The following PPIP5K2 variants were observed in gnomAD, a reference collection of about 807,000 sequenced individuals.
The protein encoded by PPIP5K2 is diphosphoinositol pentakisphosphate kinase 2.
In PPIP5K2, 105 loss-of-function variants were observed where a neutral mutation model predicts 154.6. The observed-to-expected ratio is 0.68, with a 90% confidence interval of 0.58 to 0.80. The LOEUF is 0.80. Ranked by LOEUF, PPIP5K2 falls within the 30% of genes least tolerant of loss-of-function variation. PPIP5K2 has a pLI of 0.00. For missense variants in PPIP5K2, 992 were observed against 1,504.6 expected, an observed-to-expected ratio of 0.66 and a Z score of 5.64; for synonymous variants, 480 against 490.3, an observed-to-expected ratio of 0.98 and a Z score of 0.28.
intron 3 of PPIP5K2, among the ~76,000 whole-genome samples, chr5:103,134,364 A>C (rs1158401097): frequency 6.6e-6 from 1 of 152,160 alleles, no homozygotes; most frequent in Non-Finnish European, 1.5e-5. Flanking sequence ...ATTTCCCACT[A>C]AGAACTATTA....
At chr5:103,183,955 A>G (rs927374599) in intron 25 of PPIP5K2, among the ~76,000 whole-genome samples, 1 of 152,166 alleles carries the variant, frequency 6.6e-6, no homozygotes, top group Non-Finnish European at 1.5e-5. Context: ...AATTTAAGGA[A>G]TACATAGTCT....
intron 21 of PPIP5K2, among the ~76,000 whole-genome samples, chr5:103,175,950 A>T (rs782718664): frequency 9.2e-5 from 14 of 152,056 alleles, no homozygotes; most frequent in Non-Finnish European, 1.9e-4. Flanking sequence ...CATTATCCCA[A>T]CTCTTATTAT....
chr5:103,194,407 C>A (rs1345430463), intron 29 of PPIP5K2, among the ~76,000 whole-genome samples: 2 of 152,068 alleles, frequency 1.3e-5, no homozygotes, highest in Non-Finnish European at 2.9e-5. Context: ...TCCTGCCTTG[C>A]CTAACTAAAT....
chr5:103,178,586 T>C (rs922469648), intron 23 of PPIP5K2, among the ~76,000 whole-genome samples: 2 of 151,710 alleles, frequency 1.3e-5, no homozygotes, highest in African/African-American at 4.8e-5. Flanking sequence ...TGCATTTTCA[T>C]ATAAATTTTA....
intron 4 of PPIP5K2, 66 bp from the exon 5 acceptor site, chr5:103,138,318 C>G: frequency 1.1e-6 from 1 of 945,280 alleles, no homozygotes; most frequent in African/African-American, 1.7e-5. Flanking sequence ...TTTAAGAAAA[C>G]TACAATAATA....
At chr5:103,137,251 C>T (rs1166579527) in intron 4 of PPIP5K2, among the ~76,000 whole-genome samples, 2 of 151,830 alleles carry the variant, frequency 1.3e-5, no homozygotes, top group Non-Finnish European at 2.9e-5. Context: ...CAAGCTCCCC[C>T]TCCCGGGTTC....
intron 30 of PPIP5K2, among the ~76,000 whole-genome samples, chr5:103,199,121 A>G (rs782074614): frequency 3.9e-5 from 6 of 152,126 alleles, no homozygotes; most frequent in African/African-American, 1.2e-4. Flanking sequence ...ACTTCCACAT[A>G]TATTATAAAC....
At chr5:103,125,337 G>A (rs1789467803) in intron 1 of PPIP5K2, among the ~76,000 whole-genome samples, 1 of 152,068 alleles carries the variant, frequency 6.6e-6, no homozygotes, top group South Asian at 2.1e-4. Context: ...TTACAGATGA[G>A]GAAATTGAGG....
chr5:103,132,524 C>T (rs1393060489), intron 2 of PPIP5K2, among the ~76,000 whole-genome samples: 13 of 151,656 alleles, frequency 8.6e-5, no homozygotes, highest in Middle Eastern at 3.4e-3. Context: ...CCAGCCTGGG[C>T]GACAGAGCGA....
Position 103,133,540 on chromosome 5 carries a change from T to C in PPIP5K2, c.202T>C (p.Ser68Pro), listed in dbSNP as rs1554203283. ...KPMKEILERI[S>P]LFKYITVVVF... ...AATGAAGGAAATTCTTGAACGGATC[T>C]CCTTATTTAAATATATCACAGTAGT... The change falls in exon 3 of 31, where the codon TCC (serine) becomes CCC (proline). Residue 68 changes from serine to proline, a missense_variant. Coordinates refer to ENST00000358359, the MANE Select transcript of PPIP5K2 (RefSeq NM_001276277.3). 2 of 1,612,946 alleles carry C rather than the reference T, an allele frequency of 1.2e-6. No individual in the cohort carries two copies. The highest frequency in any genetic ancestry group is 1.7e-6 in the Non-Finnish European group (2 of 1,179,622).
At chr5:103,180,289 C>A in intron 24 of PPIP5K2, 101 bp downstream of exon 24, 3 of 980,838 alleles carry the variant, frequency 3.1e-6, no homozygotes, top group South Asian at 5.3e-5. Flanking sequence ...CTTGGGAAAC[C>A]AACAAATTTT....
At chr5:103,198,271 G>T (rs1802431606) in intron 30 of PPIP5K2, among the ~76,000 whole-genome samples, 1 of 151,856 alleles carries the variant, frequency 6.6e-6, no homozygotes, top group Admixed American at 6.6e-5. Context: ...TCTTTTAAAT[G>T]TGGGACTTAT....
At chr5:103,149,052 A>T (rs529634625) in intron 7 of PPIP5K2, 100 bp from the exon 8 acceptor site, 1 of 987,104 alleles carries the variant, frequency 1.0e-6, no homozygotes, top group Admixed American at 3.5e-5. Context: ...ATTCTGAACT[A>T]TTTTTTAGTA....
chr5:103,148,106 TTAGC>T (rs1554209858), intron 7 of PPIP5K2, 74 bp downstream of exon 7: 1 of 1,037,858 alleles, frequency 9.6e-7, no homozygotes, highest in Admixed American at 2.0e-5. Flanking sequence ...TAGTTAATCT[TTAGC>T]TATATCTAAC....
At position 103,186,695 on chromosome 5, in the gene PPIP5K2, ATTC is replaced by A. The variant is rs1269918656; in HGVS notation, c.3289+262_3289+264del. 3.3e-5 allele frequency among the ~76,000 whole-genome samples: 5 copies of A among 152,316 alleles called. No individual in the cohort carries two copies. In the South Asian group the frequency reaches 6.2e-4, roughly 19 times the overall value. The stretch of plus-strand genomic sequence containing the variant: ...GAAAACTTAGAAGAGTATTATGTGT[ATTC>A]TTCTTTTAGATAATTGATTATATTA... On this transcript the variant is annotated intron_variant, in intron 27 of 30. Coordinates refer to ENST00000358359, the MANE Select transcript of PPIP5K2 (RefSeq NM_001276277.3).
intron 26 of PPIP5K2, among the ~76,000 whole-genome samples, chr5:103,184,992 C>T (rs1554224428): frequency 1.3e-5 from 2 of 152,028 alleles, no homozygotes; most frequent in African/African-American, 4.8e-5. Context: ...GTTCACTTGC[C>T]AATGCTAGTT....
Position 103,211,676 on chromosome 5 carries a change from A to G in PPIP5K2, c.*10042A>G, listed in dbSNP as rs1580536386. ...ATATGCATTTCTCACAGTGACCTGA[A>G]AACAGGCATTCCTTCTCTAAATGTG... On this transcript the variant is annotated 3_prime_UTR_variant, in exon 31 of 31. Transcript: ENST00000358359. 6.6e-6 allele frequency: 1 copy of G among 152,250 alleles called. No homozygotes were observed. The highest frequency in any genetic ancestry group is 2.4e-5 in the African/African-American group (1 of 41,560). 9.4% of individuals were successfully genotyped at this position (152,250 alleles called of 1,614,324 possible).
intron 17 of PPIP5K2, among the ~76,000 whole-genome samples, chr5:103,163,093 T>G (rs1440063072): frequency 2.0e-5 from 3 of 151,222 alleles, no homozygotes; most frequent in African/African-American, 4.8e-5. Flanking sequence ...AGTGTTTTTT[T>G]TTTTTTTTTT....
At chr5:103,144,502 A>C (rs1793409365) in intron 5 of PPIP5K2, among the ~76,000 whole-genome samples, 1 of 152,178 alleles carries the variant, frequency 6.6e-6, no homozygotes, top group South Asian at 2.1e-4. Context: ...AAACTGGAGG[A>C]ATCACATTAT....
Sources: allele counts gnomAD v4.1 joint callset (sites outside exome capture counted in the v4.1 genomes callset), GRCh38; gene constraint gnomAD v4.1.1; transcripts MANE v1.5; gene names NCBI Gene and HGNC (gene_info 2026-07-23, HGNC 2026-07-21).